The following CREBRF variants were observed in gnomAD, a reference collection of about 807,000 sequenced individuals.
CREBRF encodes UPF0474 protein C5orf41.
In CREBRF, 5 loss-of-function variants were observed where a neutral mutation model predicts 66.1. That is an observed-to-expected ratio of 0.08 (90% CI 0.04 to 0.16). CREBRF has a LOEUF of 0.16. Ranked by LOEUF, CREBRF falls within the 10% of genes least tolerant of loss-of-function variation. The pLI, the probability that CREBRF is intolerant of heterozygous loss-of-function variation, is 1.00. For synonymous variants in CREBRF, 229 were observed against 264.4 expected (o/e 0.87, Z 1.30); for missense variants, 531 against 744.9 (o/e 0.71, Z 3.34).
intron 4 of CREBRF, among the ~76,000 whole-genome samples, chr5:173,101,434 C>T (rs1238542564): frequency 1.3e-5 from 2 of 152,018 alleles, no homozygotes; most frequent in Non-Finnish European, 2.9e-5. Flanking sequence ...GCTGAGAAAA[C>T]CACTGACAGT....
chr5:173,104,729 G>GAC (rs1384869292), intron 4 of CREBRF, among the ~76,000 whole-genome samples: 1 of 151,120 alleles, frequency 6.6e-6, no homozygotes, highest in African/African-American at 2.5e-5. Context: ...GAGAGAGAGA[G>GAC]AGAGAGAGAG....
intron 4 of CREBRF, among the ~76,000 whole-genome samples, chr5:173,106,934 G>A (rs986173882): frequency 1.3e-5 from 2 of 152,048 alleles, no homozygotes; most frequent in Admixed American, 6.6e-5. Flanking sequence ...ATTTTTAGTA[G>A]AGATGAGGTT....
chr5:173,085,451 T>C, intron 2 of CREBRF: 1 of 710,156 alleles, frequency 1.4e-6, no homozygotes, highest in Non-Finnish European at 2.3e-6. Flanking sequence ...AGTTTCGCTC[T>C]TGTTGCCCAG....
intron 1 of CREBRF, among the ~76,000 whole-genome samples, chr5:173,064,935 C>G (rs1398522096): frequency 6.6e-6 from 1 of 152,082 alleles, no homozygotes; most frequent in Non-Finnish European, 1.5e-5. Context: ...TCTTGAACTC[C>G]TGAACTCAAG....
At chr5:173,058,694 C>T (rs899231302) in intron 1 of CREBRF, among the ~76,000 whole-genome samples, 3 of 149,958 alleles carry the variant, frequency 2.0e-5, no homozygotes, top group Non-Finnish European at 4.4e-5. Flanking sequence ...ACCATGTTAG[C>T]CAGGACGGTC....
intron 4 of CREBRF, among the ~76,000 whole-genome samples, chr5:173,108,077 C>G (rs531798096): frequency 6.6e-6 from 1 of 151,596 alleles, no homozygotes; most frequent in African/African-American, 2.4e-5. Flanking sequence ...AGTGATCTAC[C>G]TATCTCAGCC....
intron 1 of CREBRF, among the ~76,000 whole-genome samples, chr5:173,056,769 C>T (rs1268973303): frequency 6.6e-6 from 1 of 151,810 alleles, no homozygotes; most frequent in Non-Finnish European, 1.5e-5. Context: ...TAGGCTAGGC[C>T]GGGGATGGGC....
intron 4 of CREBRF, among the ~76,000 whole-genome samples, chr5:173,105,225 A>ATATG (rs1489940247): frequency 1.8e-3 from 257 of 146,648 alleles, no homozygotes; most frequent in African/African-American, 6.1e-3. Flanking sequence ...GTGTGTATAT[A>ATATG]TGTGTGTGTG....
intron 4 of CREBRF, among the ~76,000 whole-genome samples, chr5:173,100,243 T>A (rs977017316): frequency 1.3e-5 from 2 of 149,712 alleles, no homozygotes; most frequent in Admixed American, 1.3e-4. Flanking sequence ...TCCAAAGTGC[T>A]GGGATTAGTA....
intron 5 of CREBRF, chr5:173,110,314 AC>A: frequency 3.0e-6 from 2 of 664,812 alleles, no homozygotes; most frequent in South Asian, 3.0e-5. Flanking sequence ...CTGCCATATC[AC>A]CCCCATTTCC....
rs1759631354 is a variant in CREBRF at position 173,138,151 on chromosome 5, C to T, written c.*4406C>T. On this transcript the variant is annotated 3_prime_UTR_variant, in exon 9 of 9. Transcript: ENST00000296953. ...TGGATCATGACAAATAAGTCTCACA[C>T]AGTGCCGTAATACTTGTGGATTCTT... The T allele has an allele frequency of 1.3e-5, 2 of 152,162 alleles. No homozygotes were observed. The allele number at this position is 152,162 out of a possible 1,614,324, so 9.4% of individuals were successfully genotyped here.
At chr5:173,106,278 A>G (rs1048806431) in intron 4 of CREBRF, among the ~76,000 whole-genome samples, 3 of 151,928 alleles carry the variant, frequency 2.0e-5, no homozygotes, top group African/African-American at 7.3e-5. Flanking sequence ...AAAATAGAAA[A>G]AATTAGCCAG....
intron 1 of CREBRF, among the ~76,000 whole-genome samples, chr5:173,068,792 G>A (rs1039412826): frequency 6.6e-5 from 10 of 152,136 alleles, no homozygotes; most frequent in African/African-American, 2.4e-4. Context: ...GAGTGGGCCA[G>A]GCGCGGTGGC....
intron 4 of CREBRF, among the ~76,000 whole-genome samples, chr5:173,095,348 C>T (rs1272768864): frequency 1.3e-5 from 2 of 151,894 alleles, no homozygotes; most frequent in East Asian, 3.9e-4. Flanking sequence ...GCCACCACGC[C>T]CAGCTAATTT....
At chr5:173,071,396 G>C (rs948265167) in intron 1 of CREBRF, among the ~76,000 whole-genome samples, 2 of 152,052 alleles carry the variant, frequency 1.3e-5, no homozygotes, top group Non-Finnish European at 2.9e-5. Context: ...TTTTAGTAGA[G>C]ATGGGGTTTC....
intron 1 of CREBRF, among the ~76,000 whole-genome samples, chr5:173,059,640 CAG>C (rs1425774913): frequency 6.8e-6 from 1 of 147,216 alleles, no homozygotes; most frequent in Non-Finnish European, 1.5e-5. Context: ...ATTAGTTTAA[CAG>C]AGAAGTATAG....
intron 8 of CREBRF, 76 bp downstream of exon 8, chr5:173,123,278 T>C: frequency 7.0e-7 from 1 of 1,433,042 alleles, no homozygotes; most frequent in South Asian, 1.4e-5. Flanking sequence ...ATATTAAAAG[T>C]TCTTTTAGTT....
At chr5:173,082,019 T>TTTTTTTTTTTTGTTTTG (rs1757968227) in intron 2 of CREBRF, among the ~76,000 whole-genome samples, 2 of 131,762 alleles carry the variant, frequency 1.5e-5, no homozygotes, top group Non-Finnish European at 3.3e-5. Context: ...TTTTTTTTTT[T>TTTTTTTTTTTTGTTTTG]TTTTTTTTTT....
chr5:173,129,774 G>A (rs559740121), intron 8 of CREBRF, among the ~76,000 whole-genome samples: 17 of 150,174 alleles, frequency 1.1e-4, no homozygotes, highest in Middle Eastern at 3.5e-3. Context: ...AAATTAAAAT[G>A]TAACTTAATT....
Sources: gnomAD v4.1 joint callset for allele counts (sites outside exome capture counted in the v4.1 genomes callset) on GRCh38, gnomAD v4.1.1 for gene constraint, MANE v1.5 for transcripts, NCBI Gene and HGNC (gene_info 2026-07-23, HGNC 2026-07-21) for gene names.